The following APOL1 variants were observed in gnomAD, a reference collection of about 807,000 sequenced individuals.
APOL1 encodes the protein apolipoprotein L1, also known as apolipoprotein L 1.
A neutral mutation model predicts 14.9 loss-of-function variants in APOL1; 17 were observed. The ratio of observed to expected loss-of-function variants is 1.14; its 90% CI spans 0.78 to 1.71. The LOEUF is 1.71. Ranked by LOEUF, APOL1 falls within the 40% of genes most tolerant of loss-of-function variation. APOL1 has a pLI of 0.00. For synonymous variants in APOL1, 195 were observed against 184.8 expected (o/e 1.05, Z -0.45); for missense variants, 523 against 485.9 (o/e 1.08, Z -0.72).
chr22:36,265,713 C>T lies in APOL1; in HGVS notation c.877C>T (p.Leu293Phe), dbSNP rs757346569. The change falls in exon 6 of 6, where the codon CTT becomes TTT. Residue 293 changes from leucine to phenylalanine, a missense_variant. Coordinates refer to ENST00000397278, the MANE Select transcript of APOL1 (RefSeq NM_003661.4). ...IRALRRARAN[L>F]QSVPHASASR... The stretch of plus-strand genomic sequence containing the variant: ...TGCCCTCAGACGAGCCAGAGCCAAT[C>T]TTCAGTCAGTACCGCATGCCTCAGC... 2 of 1,613,008 alleles carry T rather than the reference C, an allele frequency of 1.2e-6. No individual in the cohort carries two copies. Among genetic ancestry groups the T allele is most frequent in the East Asian group, 2.2e-5 (1 of 44,874 alleles).
Position 36,266,653 on chromosome 22 carries a change from C to T in APOL1, c.*620C>T. 2.5e-6 allele frequency: 1 copy of T among 392,968 alleles called. No homozygotes were observed. Among genetic ancestry groups the T allele is most frequent in the Non-Finnish European group, 4.5e-6 (1 of 222,318 alleles). 24.3% of individuals were successfully genotyped at this position (392,968 alleles called of 1,614,324 possible). On this transcript the variant is annotated 3_prime_UTR_variant, in exon 6 of 6. Coordinates refer to ENST00000397278, the MANE Select transcript of APOL1 (RefSeq NM_003661.4). ...GGGTGTAGTGGCTCATGCCTGTAAT[C>T]CGAGCACTTTGGGAGGCCAAGGCGG...
chr22:36,261,676 G>C lies in APOL1; in HGVS notation c.268G>C (p.Asp90His). ...ACAGAATCTGCTACTCCTGCTGACT[G>C]ATAATGAGGCCTGGAACGGATTCGT... ...STQNLLLLLT[D>H]NEAWNGFVAA... Residue 90 changes from aspartate to histidine, a missense_variant, in exon 5 of 6, where the codon GAT becomes CAT. Coordinates refer to ENST00000397278, the MANE Select transcript of APOL1 (RefSeq NM_003661.4). 1 of 1,614,186 alleles carries C rather than the reference G, an allele frequency of 6.2e-7. No homozygotes were observed. Among genetic ancestry groups the C allele is most frequent in the Non-Finnish European group, 8.5e-7 (1 of 1,180,022 alleles).
intron 4 of APOL1, among the ~76,000 whole-genome samples, chr22:36,260,991 G>A (rs1298003819): frequency 1.3e-5 from 2 of 152,226 alleles, no homozygotes; most frequent in African/African-American, 4.8e-5. Context: ...GCAGATGGAA[G>A]TGATCACTGG....
In APOL1 at chr22:36,266,789, C is replaced by T. The variant is rs1039244787; in HGVS notation, c.*756C>T. On this transcript the variant is annotated 3_prime_UTR_variant, in exon 6 of 6. Coordinates refer to ENST00000397278, the MANE Select transcript of APOL1 (RefSeq NM_003661.4). ...GCATGGTGGCGGGCGCCTGTAGTTC[C>T]AGCTAACTGGGCGGCTGAGGCAGGA... 6.3e-6 allele frequency: 2 copies of T among 315,930 alleles called. No homozygotes were observed. The highest frequency in any genetic ancestry group is 1.2e-5 in the Non-Finnish European group (2 of 173,206). 19.6% of individuals were successfully genotyped at this position (315,930 alleles called of 1,614,324 possible).
intron 1 of APOL1, chr22:36,254,043 G>A (rs1252986168): frequency 6.2e-7 from 1 of 1,603,702 alleles, no homozygotes; most frequent in East Asian, 2.2e-5. Flanking sequence ...CATAGAAGGA[G>A]AATCAAACCT....
intron 5 of APOL1, 140 bp downstream of exon 5, chr22:36,261,862 G>A (rs2016087018): frequency 3.8e-6 from 4 of 1,059,960 alleles, no homozygotes; most frequent in South Asian, 1.9e-5. Flanking sequence ...TGGCACTCCA[G>A]GAAGAATATT....
At chr22:36,259,747 G>T (rs2016017868) in intron 4 of APOL1, 1 of 1,304,144 alleles carries the variant, frequency 7.7e-7, no homozygotes, top group Non-Finnish European at 1.0e-6. Flanking sequence ...CAACATGGAG[G>T]TGCCTCAAGG....
At position 36,254,997 on chromosome 22, in the gene APOL1, C is replaced by T; in HGVS notation, c.42C>T (p.Ile14=). The change falls in exon 2 of 6, where the codon ATC becomes ATT. Residue 14 remains isoleucine (I), a splice_region_variant and synonymous_variant. Coordinates refer to ENST00000397278, the MANE Select transcript of APOL1 (RefSeq NM_003661.4). The stretch of plus-strand genomic sequence containing the variant: ...TGCTGAGAGTCTCTGTCCTCTGCAT[C>T]TGGTGAGCTTGGCTCAGAGCCCTGA... ...AALLRVSVLC[I]WMSALFLGVG... The T allele has an allele frequency of 6.2e-7, 1 of 1,613,626 alleles. No individual in the cohort carries two copies. The highest frequency in any genetic ancestry group is 8.5e-7 in the Non-Finnish European group (1 of 1,179,498).
Position 36,266,986 on chromosome 22 carries a change from G to A in APOL1, c.*953G>A, listed in dbSNP as rs2016295396. ...ACCAGCAATGAGAAGGCCAGGAAAA[G>A]AAAGAGCTGAAAATGGAGAAAGCCC... On this transcript the variant is annotated 3_prime_UTR_variant, in exon 6 of 6. Coordinates refer to ENST00000397278, the MANE Select transcript of APOL1 (RefSeq NM_003661.4). The A allele has an allele frequency of 6.5e-6, 1 of 153,344 alleles. No individual in the cohort carries two copies. The highest frequency in any genetic ancestry group is 2.4e-5 in the African/African-American group (1 of 41,428). The allele number at this position is 153,344 out of a possible 1,614,324, so 9.5% of individuals were successfully genotyped here. A position where few individuals can be genotyped will look rare whatever the true frequency, so the allele number is the denominator to read the frequency against.
In APOL1 at chr22:36,254,552, G is replaced by A. The variant is rs116105003; in HGVS notation, c.-19-385G>A. On this transcript the variant is annotated intron_variant, in intron 1 of 5. Coordinates refer to ENST00000397278, the MANE Select transcript of APOL1 (RefSeq NM_003661.4). ...AAAGCCCTGCAGCCTGGGTGACAGAGCAAAACTGTTTATTAAAAACTAAAC... is the reference window on the plus strand; with the variant it reads ...AAAGCCCTGCAGCCTGGGTGACAGAACAAAACTGTTTATTAAAAACTAAAC... Among the ~76,000 whole-genome samples, 131 of 152,220 alleles carry A rather than the reference G, an allele frequency of 8.6e-4. 1 individual carries two copies. Among genetic ancestry groups the A allele is most frequent in the African/African-American group, 3.1e-3 (128 of 41,528 alleles).
intron 5 of APOL1, 87 bp downstream of exon 5, chr22:36,261,809 T>A: frequency 6.7e-7 from 1 of 1,491,646 alleles, no homozygotes; most frequent in Non-Finnish European, 9.1e-7. Flanking sequence ...CAGGCACACC[T>A]CCTCCAGGCA....
In APOL1 at chr22:36,265,657, A is replaced by C. The variant is rs1428142451; in HGVS notation, c.821A>C (p.Gln274Pro). Residue 274 changes from glutamine (Q) to proline (P), a missense_variant, in exon 6 of 6, where the codon CAA becomes CCA. By Grantham distance (76) the Gln-to-Pro change is moderately conservative. Coordinates refer to ENST00000397278, the MANE Select transcript of APOL1 (RefSeq NM_003661.4). ...CTTTCCTTAGCTGGCAATACTTACC[A>C]ACTCACACGAGGCATTGGGAAGGAC... is the stretch of plus-strand genomic sequence containing the variant. ...NFLSLAGNTYQLTRGIGKDIR... is the reference protein window; with the variant it reads ...NFLSLAGNTYPLTRGIGKDIR... 1 of 1,600,378 alleles carries C rather than the reference A, an allele frequency of 6.2e-7. No homozygotes were observed. The highest frequency in any genetic ancestry group is 1.7e-5 in the Admixed American group (1 of 58,806).
rs1556624040 is a variant in APOL1, at chr22:36,254,975, T to C, written c.20T>C (p.Leu7Pro). 1.9e-6 allele frequency: 3 copies of C among 1,614,078 alleles called. No individual in the cohort carries two copies. The highest frequency in any genetic ancestry group is 4.5e-5 in the East Asian group (2 of 44,894). The part of the protein sequence containing the change: MEGAAL[L>P]RVSVLCIWMS... ...AGCGACATGGAGGGAGCTGCTTTGC[T>C]GAGAGTCTCTGTCCTCTGCATCTGG... The change falls in exon 2 of 6, where the codon CTG (leucine) becomes CCG (proline). Residue 7 changes from leucine to proline, a missense_variant. Transcript: ENST00000397278.
At chr22:36,254,696 A>G (rs2015800355) in intron 1 of APOL1, among the ~76,000 whole-genome samples, 1 of 152,066 alleles carries the variant, frequency 6.6e-6, no homozygotes, top group Non-Finnish European at 1.5e-5. Context: ...CCCTGTCTCT[A>G]CTAAAAATAC....
chr22:36,257,703 G>C lies in APOL1; in HGVS notation c.187+296G>C, dbSNP rs946131506. On this transcript the variant is annotated intron_variant, in intron 4 of 5. Coordinates refer to ENST00000397278, the MANE Select transcript of APOL1 (RefSeq NM_003661.4). ...TTGGGGAAGTGGAATCAGCGGGGGGGGGGGGGAGTGTGGGGAGAGCAGGGT... is the reference window on the plus strand; with the variant it reads ...TTGGGGAAGTGGAATCAGCGGGGGGCGGGGGGAGTGTGGGGAGAGCAGGGT... 7.5e-5 allele frequency: 23 copies of C among 306,408 alleles called. 1 individual carries two copies. The Middle Eastern group carries it at 3.0e-3, about 40-fold the overall frequency. The allele number at this position is 306,408 out of a possible 1,614,324, so 19.0% of individuals were successfully genotyped here.
chr22:36,257,039 A>T (rs748971354), intron 2 of APOL1, 44 bp from the exon 3 acceptor site: 2 of 1,607,710 alleles, frequency 1.2e-6, no homozygotes, highest in Admixed American at 1.7e-5. Context: ...TAATGATCAG[A>T]TGGCTGCCCG....
chr22:36,266,094 A>AC lies in APOL1; in HGVS notation c.*62dup. Reference sequence around the variant, plus strand: ...TGGCAGGGGCCAGGACAAAATGCAAACTTTTTTTTTTTTCTGAGACAGAGT... The same window carrying AC: ...TGGCAGGGGCCAGGACAAAATGCAAACCTTTTTTTTTTTTCTGAGACAGAGT... On this transcript the variant is annotated 3_prime_UTR_variant, in exon 6 of 6. Transcript: ENST00000397278. 6.6e-7 allele frequency: 1 copy of AC among 1,507,472 alleles called. No homozygotes were observed. Among genetic ancestry groups the AC allele is most frequent in the Non-Finnish European group, 8.9e-7 (1 of 1,127,500 alleles). 93.4% of individuals were successfully genotyped at this position (1,507,472 alleles called of 1,614,324 possible).
rs1309283472 is a variant in APOL1, at chr22:36,259,652, C to T, written c.188-1944C>T. The T allele has an allele frequency of 3.9e-6, 5 of 1,282,622 alleles. No homozygotes were observed. In the Admixed American group the frequency reaches 1.2e-4, roughly 31 times the overall value. The allele number at this position is 1,282,622 out of a possible 1,614,324, so 79.5% of individuals were successfully genotyped here. ...AACTCTCCCCCCAAAACAAGATGAT[C>T]TGTGGTTTAATAACAGGCCCAGCTG... On this transcript the variant is annotated intron_variant, in intron 4 of 5. Transcript: ENST00000397278.
chr22:36,264,265 G>C (rs893893593), intron 5 of APOL1, among the ~76,000 whole-genome samples: 1 of 152,124 alleles, frequency 6.6e-6, no homozygotes, highest in Non-Finnish European at 1.5e-5. Flanking sequence ...CGGGTCCTCT[G>C]GGATCAGGAA....
Sources: gnomAD v4.1 joint callset for allele counts (sites outside exome capture counted in the v4.1 genomes callset) on GRCh38, gnomAD v4.1.1 for gene constraint, MANE v1.5 for transcripts, NCBI Gene and HGNC (gene_info 2026-07-23, HGNC 2026-07-21) for gene names.